The following COPG2 variants were observed in gnomAD, a reference collection of about 807,000 sequenced individuals.
The protein encoded by COPG2 is coat protein complex I subunit gamma 2.
COPG2 carries 37 observed loss-of-function variants against 46.3 expected under a neutral mutation model. That is an observed-to-expected ratio of 0.80 (90% CI 0.61 to 1.05). The LOEUF (loss-of-function observed/expected upper bound fraction) is 1.05, where lower values mean the gene tolerates loss of function less well. Among genes scored for constraint, COPG2 ranks in the 50% least tolerant of loss-of-function variants. The pLI is 0.00. For synonymous variants in COPG2, 159 were observed against 129.7 expected, an observed-to-expected ratio of 1.23 and a Z score of -1.53; for missense variants, 427 against 387.8, an observed-to-expected ratio of 1.10 and a Z score of -0.85.
intron 20 of COPG2, chr7:130,509,877 G>T: frequency 2.0e-6 from 1 of 489,484 alleles, no homozygotes; most frequent in Non-Finnish European, 4.1e-6. Flanking sequence ...AATGTGAAAC[G>T]ATATAATAGT....
At chr7:130,643,902 G>A (rs1441385576) in intron 5 of COPG2, among the ~76,000 whole-genome samples, 1 of 152,200 alleles carries the variant, frequency 6.6e-6, no homozygotes, top group Non-Finnish European at 1.5e-5. Flanking sequence ...CCAGAAGTTG[G>A]AGGTTGCAGT....
chr7:130,618,285 C>T (rs1214725253), intron 5 of COPG2, among the ~76,000 whole-genome samples: 1 of 152,014 alleles, frequency 6.6e-6, no homozygotes, highest in African/African-American at 2.4e-5. Context: ...GAACAATACA[C>T]TCGTTCAGTA....
intron 15 of COPG2, 33 bp downstream of exon 15, chr7:130,552,319 CTTA>C: frequency 2.5e-6 from 1 of 397,872 alleles, no homozygotes; most frequent in Non-Finnish European, 4.4e-6. Context: ...ATATAGAATT[CTTA>C]TTTTTTTTTA....
intron 5 of COPG2, among the ~76,000 whole-genome samples, chr7:130,637,776 A>T (rs1384121045): frequency 2.0e-5 from 3 of 152,042 alleles, no homozygotes; most frequent in Non-Finnish European, 4.4e-5. Flanking sequence ...GTTGGCAAGG[A>T]GTTGTGATCC....
chr7:130,652,252 G>C (rs1442251052), intron 5 of COPG2, among the ~76,000 whole-genome samples: 1 of 152,122 alleles, frequency 6.6e-6, no homozygotes, highest in Non-Finnish European at 1.5e-5. Context: ...CTAGGTCAAA[G>C]GGATAAAGCC....
Position 130,508,564 on chromosome 7 carries a change from C to A in COPG2, c.2245G>T (p.Val749Leu). Reference sequence around the variant, plus strand: ...GTCTCTATGCTGGGAAGACTCACCACATACTCATCATCATACCCATCCTCA... The same window carrying A: ...GTCTCTATGCTGGGAAGACTCACCAAATACTCATCATCATACCCATCCTCA... ...PDEDGYDDEYVLEDLEVTVSD... is the reference protein window; with the variant it reads ...PDEDGYDDEYLLEDLEVTVSD... The change falls in exon 21 of 24, where the codon GTG (valine) becomes TTG (leucine). Residue 749 changes from valine (V) to leucine (L), a missense_variant and splice_region_variant. Transcript: ENST00000425248. 1 of 774,804 alleles carries A rather than the reference C, an allele frequency of 1.3e-6. No individual in the cohort carries two copies. The highest frequency in any genetic ancestry group is 1.7e-5 in the Admixed American group (1 of 58,188). 48.0% of individuals were successfully genotyped at this position (774,804 alleles called of 1,614,324 possible).
chr7:130,632,743 AT>A (rs559311178), intron 5 of COPG2, among the ~76,000 whole-genome samples: 1 of 151,572 alleles, frequency 6.6e-6, no homozygotes, highest in African/African-American at 2.4e-5. Context: ...TGAACCAATG[AT>A]TTTTTTTATT....
chr7:130,583,004 T>G (rs1794183331), intron 9 of COPG2, among the ~76,000 whole-genome samples: 1 of 151,292 alleles, frequency 6.6e-6, no homozygotes, highest in Non-Finnish European at 1.5e-5. Flanking sequence ...TGGGTATATA[T>G]CCAAAGGACT....
chr7:130,610,556 C>T (rs1794825741), intron 9 of COPG2: 1 of 521,692 alleles, frequency 1.9e-6, no homozygotes, highest in Admixed American at 1.9e-5. Context: ...TTGGTCACAT[C>T]TTATGTGCCT....
At chr7:130,617,107 C>T in intron 5 of COPG2, 42 bp from the exon 6 acceptor site, 2 of 1,353,638 alleles carry the variant, frequency 1.5e-6, no homozygotes, top group Non-Finnish European at 1.0e-6. Flanking sequence ...CAATTAAAAT[C>T]TCTCCCATGG....
At chr7:130,603,015 T>C (rs1192292602) in intron 9 of COPG2, 5 of 152,190 alleles carry the variant, frequency 3.3e-5, no homozygotes, top group African/African-American at 4.8e-5. Context: ...TTCAGAATTA[T>C]CAACTTTTCT....
Position 130,668,714 on chromosome 7 carries a change from C to T in COPG2, c.-46G>A. ...CCAGACCCACCGCAACCGTCCCAGG[C>T]GCCGCAGCCGGCGAGCGGAAGAGGC... On this transcript the variant is annotated 5_prime_UTR_variant, in exon 1 of 24. Coordinates refer to ENST00000425248, the MANE Select transcript of COPG2 (RefSeq NM_012133.6). 9 of 1,508,826 alleles carry T rather than the reference C, an allele frequency of 6.0e-6. No homozygotes were observed. Among genetic ancestry groups the T allele is most frequent in the Non-Finnish European group, 6.2e-6 (7 of 1,128,138 alleles). 93.5% of individuals were successfully genotyped at this position (1,508,826 alleles called of 1,614,324 possible). A position where few individuals can be genotyped will look rare whatever the true frequency, so the allele number is the denominator to read the frequency against.
intron 5 of COPG2, among the ~76,000 whole-genome samples, chr7:130,640,907 C>T (rs1554457124): frequency 6.6e-6 from 1 of 151,928 alleles, no homozygotes; most frequent in East Asian, 1.9e-4. Context: ...AGCACTTTTC[C>T]AGGTATTGAT....
At position 130,654,836 on chromosome 7, in the gene COPG2, T is replaced by C. The variant is rs569837803; in HGVS notation, c.244-1888A>G. Among the ~76,000 whole-genome samples the C allele has an allele frequency of 2.1e-3, 121 of 56,672 alleles. No individual in the cohort carries two copies. The Middle Eastern group carries it at 0.038, about 18-fold the overall frequency. The allele number at this position is 56,672 out of a possible 152,430, so 37.2% of individuals were successfully genotyped here. The stretch of plus-strand genomic sequence containing the variant: ...TGTCTTCAATGACCCTGGGTTTTTT[T>C]GTTTGTTTGTTTGTTTGTCCTACAT... On this transcript the variant is annotated intron_variant, in intron 4 of 23. Coordinates refer to ENST00000425248, the MANE Select transcript of COPG2 (RefSeq NM_012133.6).
intron 9 of COPG2, chr7:130,608,173 T>C (rs1554451537): frequency 1.1e-5 from 5 of 437,880 alleles, no homozygotes; most frequent in Non-Finnish European, 1.8e-5. Flanking sequence ...ACAATATTCA[T>C]CCTTATCACA....
At chr7:130,663,226 T>C (rs2116266817) in intron 3 of COPG2, among the ~76,000 whole-genome samples, 188 bp from the exon 4 acceptor site, 1 of 152,258 alleles carries the variant, frequency 6.6e-6, no homozygotes, top group East Asian at 1.9e-4. Flanking sequence ...TAGCCATTTA[T>C]CCCCCCTTAT....
At chr7:130,610,398 A>G in intron 9 of COPG2, 1 of 366,152 alleles carries the variant, frequency 2.7e-6, no homozygotes, top group South Asian at 2.3e-5. Context: ...AGGCCACATA[A>G]GAAATCTTTG....
intron 21 of COPG2, 116 bp downstream of exon 21, chr7:130,508,446 A>C: frequency 3.2e-6 from 2 of 629,500 alleles, no homozygotes; most frequent in East Asian, 2.7e-5. Flanking sequence ...CTGTTTCAGA[A>C]GAATAGAAAT....
At chr7:130,524,860 G>A (rs1159631370) in intron 20 of COPG2, among the ~76,000 whole-genome samples, 1 of 152,170 alleles carries the variant, frequency 6.6e-6, no homozygotes, top group Admixed American at 6.5e-5. Flanking sequence ...ACAGAGGAAA[G>A]GACTGTGTCC....
Sources: allele counts gnomAD v4.1 joint callset (sites outside exome capture counted in the v4.1 genomes callset), GRCh38; gene constraint gnomAD v4.1.1; transcripts MANE v1.5; gene names NCBI Gene and HGNC (gene_info 2026-07-23, HGNC 2026-07-21).